The following CCDC137 variants were observed in gnomAD, a reference collection of about 807,000 sequenced individuals.
CCDC137 encodes coiled-coil domain-containing protein 137.
A neutral mutation model predicts 30.4 loss-of-function variants in CCDC137; 24 were observed. That is an observed-to-expected ratio of 0.79 (90% CI 0.57 to 1.11). The LOEUF is 1.11. CCDC137 is among the 50% of genes least tolerant of loss of function. CCDC137 has a pLI of 0.00. For missense variants in CCDC137, 417 were observed against 380.4 expected, an observed-to-expected ratio of 1.10 and a Z score of -0.80; for synonymous variants, 182 against 155.7, an observed-to-expected ratio of 1.17 and a Z score of -1.26.
rs775504743 is a variant in CCDC137, at chr17:81,672,128, G to A, written c.633G>A (p.Arg211=). Residue 211 remains arginine, a synonymous_variant, in exon 5 of 6, where the codon AGG becomes AGA. Coordinates refer to ENST00000329214, the MANE Select transcript of CCDC137 (RefSeq NM_199287.3). ...TGCAGCCCCCAGAGCTGACTGCCAG[G>A]CCCCAGAGGAGCGTAAGCAAGGACC... ...VVLQPPELTA[R]PQRSVSKDQP... The A allele has an allele frequency of 3.1e-6, 5 of 1,614,116 alleles. No homozygotes were observed. Among genetic ancestry groups the A allele is most frequent in the South Asian group, 2.2e-5 (2 of 91,084 alleles).
chr17:81,668,999 C>G (rs565881836), intron 2 of CCDC137, among the ~76,000 whole-genome samples: 88 of 152,046 alleles, frequency 5.8e-4, no homozygotes, highest in South Asian at 4.0e-3. Context: ...AAGCAATTCT[C>G]CTGCCTCAGC....
rs1315670920 is a variant in CCDC137 at position 81,671,564 on chromosome 17, T to G, written c.498-180T>G. The G allele has an allele frequency of 2.8e-5, 17 of 603,792 alleles. No homozygotes were observed. In the Admixed American group the frequency reaches 3.6e-4, roughly 13 times the overall value. The allele number at this position is 603,792 out of a possible 1,614,324, so 37.4% of individuals were successfully genotyped here. A position where few individuals can be genotyped will look rare whatever the true frequency, so the allele number is the denominator to read the frequency against. On this transcript the variant is annotated intron_variant, in intron 3 of 5. Transcript: ENST00000329214. Reference sequence around the variant, plus strand: ...TGAGGGGCCTGTTGGGGTCAGAGCCTTCTTTGGTGGGCAGCTGTGGGTTTT... The same window carrying G: ...TGAGGGGCCTGTTGGGGTCAGAGCCGTCTTTGGTGGGCAGCTGTGGGTTTT...
At chr17:81,669,524 G>A (rs2036692719) in intron 2 of CCDC137, among the ~76,000 whole-genome samples, 1 of 152,110 alleles carries the variant, frequency 6.6e-6, no homozygotes, top group Non-Finnish European at 1.5e-5. Flanking sequence ...CTCGCCCGGG[G>A]TCCTGCGCTT....
chr17:81,671,724 A>T lies in CCDC137; in HGVS notation c.498-20A>T, dbSNP rs773059627. The T allele has an allele frequency of 1.2e-6, 2 of 1,611,616 alleles. No homozygotes were observed. Among genetic ancestry groups the T allele is most frequent in the South Asian group, 2.2e-5 (2 of 90,882 alleles). ...GAAAGAGAATTTAGGAATCTGAGTG[A>T]CATGTGCTTTCTTCCCCAGGTTCCA... On this transcript the variant is annotated intron_variant, in intron 3 of 5. Transcript: ENST00000329214.
In CCDC137 at chr17:81,672,788, T is replaced by G; in HGVS notation, c.*84T>G. The G allele has an allele frequency of 2.3e-6, 3 of 1,315,038 alleles. No individual in the cohort carries two copies. Among genetic ancestry groups the G allele is most frequent in the Non-Finnish European group, 3.1e-6 (3 of 971,286 alleles). 81.5% of individuals were successfully genotyped at this position (1,315,038 alleles called of 1,614,324 possible). On this transcript the variant is annotated 3_prime_UTR_variant, in exon 6 of 6. Coordinates refer to ENST00000329214, the MANE Select transcript of CCDC137 (RefSeq NM_199287.3). Reference sequence around the variant, plus strand: ...ACCTGGGTAGGAGAGAGGCAGGCCATGCCAGCAGTGTGGGGTGAGGCCTCC... The same window carrying G: ...ACCTGGGTAGGAGAGAGGCAGGCCAGGCCAGCAGTGTGGGGTGAGGCCTCC...
chr17:81,669,760 A>C (rs2036696357), intron 2 of CCDC137, among the ~76,000 whole-genome samples: 1 of 151,394 alleles, frequency 6.6e-6, no homozygotes, highest in South Asian at 2.1e-4. Flanking sequence ...ACAGGGTTTC[A>C]CCGTGTTAGC....
intron 2 of CCDC137, among the ~76,000 whole-genome samples, chr17:81,668,198 A>G (rs2036671896): frequency 6.6e-6 from 1 of 152,152 alleles, no homozygotes; most frequent in Non-Finnish European, 1.5e-5. Flanking sequence ...CTCTAAGCAA[A>G]AAAAGGGTCA....
chr17:81,666,969 G>A, intron 1 of CCDC137, 69 bp downstream of exon 1: 1 of 1,237,026 alleles, frequency 8.1e-7, no homozygotes, highest in Non-Finnish European at 1.0e-6. Context: ...GCTCCGCCCG[G>A]GACCCCCTAG....
intron 1 of CCDC137, 84 bp downstream of exon 1, chr17:81,666,984 C>G: frequency 8.2e-7 from 1 of 1,223,250 alleles, no homozygotes; most frequent in Non-Finnish European, 1.0e-6. Flanking sequence ...CCCTAGGGAG[C>G]GTTCGCTCGG....
intron 5 of CCDC137, 128 bp downstream of exon 5, chr17:81,672,283 T>C (rs965648940): frequency 3.7e-5 from 38 of 1,036,160 alleles, no homozygotes; most frequent in Non-Finnish European, 4.8e-5. Context: ...GGCAGGCGGA[T>C]TGCTTGAGCC....
chr17:81,672,716 C>G lies in CCDC137; in HGVS notation c.*12C>G. 3 of 1,556,314 alleles carry G rather than the reference C, an allele frequency of 1.9e-6. No individual in the cohort carries two copies. The highest frequency in any genetic ancestry group is 2.4e-5 in the East Asian group (1 of 42,130). On this transcript the variant is annotated 3_prime_UTR_variant, in exon 6 of 6. Coordinates refer to ENST00000329214, the MANE Select transcript of CCDC137 (RefSeq NM_199287.3). ...AGCCGCAGCTGTGATGGAGAGACACCCGGGGCCTGGCCACGCTCTGGGGCA... is the reference window on the plus strand; with the variant it reads ...AGCCGCAGCTGTGATGGAGAGACACGCGGGGCCTGGCCACGCTCTGGGGCA...
In CCDC137 at chr17:81,666,752, C is replaced by A. The variant is rs779876133; in HGVS notation, c.-15C>A. On this transcript the variant is annotated 5_prime_UTR_variant, in exon 1 of 6. Coordinates refer to ENST00000329214, the MANE Select transcript of CCDC137 (RefSeq NM_199287.3). ...AGGCGGAAGTGGCTTCGCTAGGGAG[C>A]CTCCCGGCGTGGAGATGGCGGGAGC... The A allele has an allele frequency of 4.6e-5, 67 of 1,454,094 alleles. No homozygotes were observed. The highest frequency in any genetic ancestry group is 5.6e-5 in the Non-Finnish European group (62 of 1,107,000). The allele number at this position is 1,454,094 out of a possible 1,614,324, so 90.1% of individuals were successfully genotyped here.
Position 81,670,302 on chromosome 17 carries a change from CAG to C in CCDC137, c.349_350del (p.Arg117GlufsTer5), listed in dbSNP as rs754471106. The C allele has an allele frequency of 2.5e-6, 4 of 1,613,900 alleles. No homozygotes were observed. The highest frequency in any genetic ancestry group is 2.2e-5 in the South Asian group (2 of 91,080). On this transcript the variant is annotated frameshift_variant, in exon 3 of 6. Transcript: ENST00000329214. LOFTEE classifies it high-confidence loss of function. Reference sequence around the variant, plus strand: ...CGACATCGCAGTCCCCAAGTTCAAACAGAGGAAGGGGGAGTCTGACGGGGCCT... The same window carrying C: ...CGACATCGCAGTCCCCAAGTTCAAACAGGAAGGGGGAGTCTGACGGGGCCT... Reference protein sequence around the residue: ...EPDIAVPKFKQRKGESDGAYI... With the variant: ...EPDIAVPKFKXRKGESDGAYI...
chr17:81,666,755 C>G lies in CCDC137; in HGVS notation c.-12C>G. On this transcript the variant is annotated 5_prime_UTR_variant, in exon 1 of 6. Transcript: ENST00000329214. Reference sequence around the variant, plus strand: ...CGGAAGTGGCTTCGCTAGGGAGCCTCCCGGCGTGGAGATGGCGGGAGCTGG... The same window carrying G: ...CGGAAGTGGCTTCGCTAGGGAGCCTGCCGGCGTGGAGATGGCGGGAGCTGG... The G allele has an allele frequency of 6.9e-7, 1 of 1,457,916 alleles. No individual in the cohort carries two copies. The highest frequency in any genetic ancestry group is 9.0e-7 in the Non-Finnish European group (1 of 1,109,008). The allele number at this position is 1,457,916 out of a possible 1,614,324, so 90.3% of individuals were successfully genotyped here. A position where few individuals can be genotyped will look rare whatever the true frequency, so the allele number is the denominator to read the frequency against.
chr17:81,668,685 C>T (rs2036681963), intron 2 of CCDC137, among the ~76,000 whole-genome samples: 1 of 151,940 alleles, frequency 6.6e-6, no homozygotes, highest in East Asian at 1.9e-4. Context: ...ATTGAATTGG[C>T]ACCTTTGTTT....
chr17:81,672,418 G>A (rs895967843), intron 5 of CCDC137, 77 bp from the exon 6 acceptor site: 1 of 1,357,470 alleles, frequency 7.4e-7, no homozygotes, highest in Non-Finnish European at 1.0e-6. Context: ...TGGCGGGAGA[G>A]CTGTTGAAGC....
At position 81,670,277 on chromosome 17, in the gene CCDC137, C is replaced by A; in HGVS notation, c.321C>A (p.Pro107=). ...TLEKEAKGEE[P]DIAVPKFKQR... ...AGAAGGAAGCAAAGGGAGAGGAGCCCGACATCGCAGTCCCCAAGTTCAAAC... is the reference window on the plus strand; with the variant it reads ...AGAAGGAAGCAAAGGGAGAGGAGCCAGACATCGCAGTCCCCAAGTTCAAAC... Residue 107 remains proline, a synonymous_variant, in exon 3 of 6, where the codon CCC becomes CCA. Coordinates refer to ENST00000329214, the MANE Select transcript of CCDC137 (RefSeq NM_199287.3). 2 of 1,613,978 alleles carry A rather than the reference C, an allele frequency of 1.2e-6. No individual in the cohort carries two copies. The highest frequency in any genetic ancestry group is 1.7e-6 in the Non-Finnish European group (2 of 1,180,018).
intron 5 of CCDC137, 129 bp from the exon 6 acceptor site, chr17:81,672,366 G>A: frequency 1.0e-6 from 1 of 981,500 alleles, no homozygotes; most frequent in South Asian, 1.6e-5. Context: ...CAGCCAACGT[G>A]TGCGCTGTCT....
Position 81,672,074 on chromosome 17 carries a change from A to T in CCDC137, c.581-2A>T. On this transcript the variant is annotated splice_acceptor_variant, in intron 4 of 5. Transcript: ENST00000329214. LOFTEE classifies it high-confidence loss of function. ...GTCCTCAGTTGTATTCTGCTCCTCC[A>T]GACACGGTGAAGTTTGGTGAGGTTG... The T allele has an allele frequency of 6.2e-7, 1 of 1,614,060 alleles. No individual in the cohort carries two copies. The highest frequency in any genetic ancestry group is 8.5e-7 in the Non-Finnish European group (1 of 1,179,992).
Sources: gnomAD v4.1 joint callset for allele counts (sites outside exome capture counted in the v4.1 genomes callset) on GRCh38, gnomAD v4.1.1 for gene constraint, MANE v1.5 for transcripts, NCBI Gene and HGNC (gene_info 2026-07-23, HGNC 2026-07-21) for gene names.